QTMAN: variants seen among roughly 807,000 people sequenced by gnomAD.
The protein encoded by QTMAN is tRNA-queuosine alpha-mannosyltransferase.
chr2:144,006,001 T>C, the QTMAN span: 1 of 152,086 alleles, frequency 6.6e-6, no homozygotes, highest in Non-Finnish European at 1.5e-5. Flanking sequence ...AGGGAGTAAA[T>C]GATGACATCT....
the QTMAN span, among the ~76,000 whole-genome samples, chr2:144,073,362 G>A: frequency 6.6e-6 from 1 of 151,878 alleles, no homozygotes; most frequent in Non-Finnish European, 1.5e-5. Flanking sequence ...ACTCTCCTGT[G>A]AAAGAAAGGT....
the QTMAN span, among the ~76,000 whole-genome samples, chr2:144,176,717 A>T: frequency 2.6e-5 from 4 of 152,314 alleles, no homozygotes; most frequent in East Asian, 1.9e-4. Context: ...ATAAATTTTT[A>T]AAATGGACAA....
the QTMAN span, among the ~76,000 whole-genome samples, chr2:144,133,422 AT>A: frequency 3.8e-4 from 15 of 39,492 alleles, no homozygotes; most frequent in African/African-American, 3.1e-3. Context: ...TATATATAAT[AT>A]ATATAATATA....
At chr2:144,263,945 T>C in the QTMAN span, among the ~76,000 whole-genome samples, 13 of 151,996 alleles carry the variant, frequency 8.6e-5, 1 homozygote, top group South Asian at 4.1e-4. Flanking sequence ...TATTCATGTA[T>C]AGAACATAAG....
chr2:144,282,209 T>C, the QTMAN span, among the ~76,000 whole-genome samples: 14 of 152,292 alleles, frequency 9.2e-5, 1 homozygote, highest in Admixed American at 7.2e-4. Context: ...ACAATTTATT[T>C]ATTCAGTCCT....
the QTMAN span, among the ~76,000 whole-genome samples, chr2:144,202,637 T>C: frequency 6.6e-6 from 1 of 151,244 alleles, no homozygotes; most frequent in South Asian, 2.1e-4. Context: ...TCCCCGTTTA[T>C]TTTCCATTCC....
At chr2:144,140,528 G>C in the QTMAN span, among the ~76,000 whole-genome samples, 1 of 151,976 alleles carries the variant, frequency 6.6e-6, no homozygotes, top group Non-Finnish European at 1.5e-5. Flanking sequence ...TTCAAAAGTT[G>C]TAGTTCTCTC....
chr2:144,242,887 A>G, the QTMAN span, among the ~76,000 whole-genome samples: 1 of 147,970 alleles, frequency 6.8e-6, no homozygotes, highest in African/African-American at 2.5e-5. Flanking sequence ...ACCTGAACGC[A>G]GGTGGCAGAG....
chr2:144,141,490 C>T, the QTMAN span, among the ~76,000 whole-genome samples: 5 of 149,638 alleles, frequency 3.3e-5, no homozygotes, highest in Non-Finnish European at 7.4e-5. Context: ...TGAGACTTAA[C>T]ATTGACTTAT....
the QTMAN span, among the ~76,000 whole-genome samples, chr2:144,219,723 G>A: frequency 6.6e-6 from 1 of 152,168 alleles, no homozygotes; most frequent in African/African-American, 2.4e-5. Context: ...TTGGAAGGCT[G>A]AGGTAGGAGG....
At chr2:144,075,481 A>C in the QTMAN span, among the ~76,000 whole-genome samples, 1 of 152,136 alleles carries the variant, frequency 6.6e-6, no homozygotes, top group East Asian at 1.9e-4. Flanking sequence ...GCACTTTCAG[A>C]AGTTTTATTT....
the QTMAN span, among the ~76,000 whole-genome samples, chr2:144,106,816 C>G: frequency 6.6e-6 from 1 of 152,212 alleles, no homozygotes; most frequent in Admixed American, 6.5e-5. Context: ...CTTCTCAGCA[C>G]CATATCACAC....
the QTMAN span, among the ~76,000 whole-genome samples, chr2:144,293,344 C>T: frequency 6.6e-6 from 1 of 152,192 alleles, no homozygotes; most frequent in Admixed American, 6.5e-5. Context: ...TAAATAGTAC[C>T]TGCTTCCTTG....
At chr2:143,959,851 G>A in the QTMAN span, among the ~76,000 whole-genome samples, 3 of 151,916 alleles carry the variant, frequency 2.0e-5, no homozygotes, top group African/African-American at 4.8e-5. Context: ...GGAAAAAGCC[G>A]AGTCAATTTA....
chr2:144,242,337 C>A, the QTMAN span, among the ~76,000 whole-genome samples: 5 of 151,754 alleles, frequency 3.3e-5, no homozygotes, highest in African/African-American at 1.2e-4. Flanking sequence ...GAAAAAGTTA[C>A]TTCTATTATT....
the QTMAN span, among the ~76,000 whole-genome samples, chr2:144,111,572 A>G: frequency 6.6e-6 from 1 of 152,174 alleles, no homozygotes; most frequent in Admixed American, 6.5e-5. Context: ...TGGAAGCCTT[A>G]TAACTGCATC....
chr2:144,057,405 G>A, the QTMAN span, among the ~76,000 whole-genome samples: 1 of 152,168 alleles, frequency 6.6e-6, no homozygotes, highest in Non-Finnish European at 1.5e-5. Context: ...AAGAGGTAAA[G>A]TGCTAAAGGT....
the QTMAN span, chr2:143,952,972 C>T: frequency 3.2e-6 from 2 of 627,010 alleles, no homozygotes; most frequent in Admixed American, 5.9e-5. Flanking sequence ...ACATGGTCGG[C>T]AGTATAATTC....
chr2:144,162,015 C>T, the QTMAN span, among the ~76,000 whole-genome samples: 10 of 152,244 alleles, frequency 6.6e-5, no homozygotes, highest in East Asian at 1.9e-4. Context: ...GACATTTGGA[C>T]GTGGCATAGA....
Sources: allele counts gnomAD v4.1 joint callset (sites outside exome capture counted in the v4.1 genomes callset), GRCh38; gene constraint gnomAD v4.1.1; transcripts MANE v1.5; gene names NCBI Gene and HGNC (gene_info 2026-07-23, HGNC 2026-07-21).